Variants in OPHN1 observed in about 807,000 individuals in gnomAD.
The protein encoded by OPHN1 is oligophrenin 1.
A neutral mutation model predicts 60.7 loss-of-function variants in OPHN1; 11 were observed. The observed-to-expected ratio is 0.18, with a 90% CI of 0.11 to 0.30. The LOEUF (loss-of-function observed/expected upper bound fraction) is 0.30. Ranked by LOEUF, OPHN1 falls within the 10% of genes least tolerant of loss-of-function variation. The probability of loss-of-function intolerance (pLI) is 1.00; values close to 1 mark genes in which losing one functional copy is unlikely to be tolerated. For missense variants in OPHN1, 449 were observed against 611.0 expected (o/e 0.73, Z 2.80); for synonymous variants, 226 against 222.6 (o/e 1.02, Z -0.14).
chrX:68,097,102 G>A, intron 18 of OPHN1, 73 bp from the exon 19 acceptor site: 4 of 1,010,349 alleles, frequency 4.0e-6, no homozygotes, highest in Non-Finnish European at 5.3e-6. Flanking sequence ...TGTTTTAGGT[G>A]CTGTAGAGGG....
intron 2 of OPHN1, among the ~76,000 whole-genome samples, chrX:68,373,249 C>A (rs2078538702): frequency 8.9e-6 from 1 of 112,328 alleles, no homozygotes; most frequent in Non-Finnish European, 1.9e-5. Context: ...GAGAACAGGG[C>A]AAGAGGCTCC....
chrX:68,107,666 G>C (rs1490660697), intron 18 of OPHN1, among the ~76,000 whole-genome samples: 1 of 110,562 alleles, frequency 9.0e-6, no homozygotes, highest in Admixed American at 9.7e-5. Flanking sequence ...TGTGGAGACG[G>C]AGTTTCACCA....
chrX:68,385,201 G>A (rs1360388752), intron 2 of OPHN1, among the ~76,000 whole-genome samples: 2 of 111,405 alleles, frequency 1.8e-5, no homozygotes, highest in Non-Finnish European at 3.8e-5. Flanking sequence ...TCTGGACCTC[G>A]GTCTTCCCCT....
intron 2 of OPHN1, chrX:68,361,061 A>G (rs2078470024): frequency 8.9e-6 from 1 of 111,984 alleles, no homozygotes; most frequent in Admixed American, 9.6e-5. Context: ...CACCAAAAAA[A>G]GTTTTAAAAG....
rs1022904149 is a variant in OPHN1 at position 68,165,194 on chromosome X, T to A, written c.1276+27725A>T. 2.1e-4 allele frequency among the ~76,000 whole-genome samples: 23 copies of A among 112,172 alleles called. No individual in the cohort carries two copies. In the Admixed American group the frequency reaches 2.1e-3, roughly 10 times the overall value. ...TCTTCACTGGAGTAGCACTTTTAAC[T>A]TTTTAGCAAAAAACAGTTCCTACAA... On this transcript the variant is annotated intron_variant, in intron 15 of 24. Transcript: ENST00000355520.
chrX:68,131,098 T>G (rs1199486569), intron 15 of OPHN1, among the ~76,000 whole-genome samples: 1 of 111,032 alleles, frequency 9.0e-6, no homozygotes, highest in South Asian at 3.8e-4. Context: ...AGAGGAAAAT[T>G]TAGGAATGGT....
At chrX:68,074,240 G>T (rs769180101) in intron 19 of OPHN1, among the ~76,000 whole-genome samples, 86 of 112,065 alleles carry the variant, frequency 7.7e-4, no homozygotes, top group Non-Finnish European at 1.4e-3. Flanking sequence ...CATGGGCATG[G>T]AAATAACATG....
At chrX:68,165,832 T>C (rs959774642) in intron 15 of OPHN1, among the ~76,000 whole-genome samples, 1 of 112,306 alleles carries the variant, frequency 8.9e-6, no homozygotes, top group Non-Finnish European at 1.9e-5. Context: ...ATAGAGTTAG[T>C]TATGAAGATG....
At chrX:68,261,028 T>A (rs1352842768) in intron 5 of OPHN1, among the ~76,000 whole-genome samples, 1 of 111,829 alleles carries the variant, frequency 8.9e-6, no homozygotes, top group Non-Finnish European at 1.9e-5. Context: ...GAAACATCAT[T>A]AAGACTGACA....
intron 2 of OPHN1, among the ~76,000 whole-genome samples, chrX:68,341,967 T>TG (rs1275288206): frequency 1.2e-4 from 12 of 101,061 alleles, no homozygotes; most frequent in Admixed American, 1.0e-3. Flanking sequence ...TAATTTTTGG[T>TG]GTTTTTTTTT....
chrX:68,227,306 C>T (rs965893066), intron 6 of OPHN1, among the ~76,000 whole-genome samples: 18 of 110,503 alleles, frequency 1.6e-4, no homozygotes, highest in East Asian at 2.8e-4. Flanking sequence ...AAAATAATAA[C>T]GGGAGACTTT....
intron 19 of OPHN1, among the ~76,000 whole-genome samples, chrX:68,094,753 C>T (rs969996415): frequency 9.0e-6 from 1 of 111,321 alleles, no homozygotes. Flanking sequence ...TGTCCCTCTC[C>T]ATTATCTCTT....
At chrX:68,089,883 G>A (rs1240355569) in intron 19 of OPHN1, among the ~76,000 whole-genome samples, 11 of 111,622 alleles carry the variant, frequency 9.9e-5, no homozygotes, top group African/African-American at 1.6e-4. Context: ...TTGAAGCTAC[G>A]TTTTCAAAGA....
In OPHN1 at chrX:68,133,373, T is replaced by C. The variant is rs1219510706; in HGVS notation, c.1277-14041A>G. On this transcript the variant is annotated intron_variant, in intron 15 of 24. Coordinates refer to ENST00000355520, the MANE Select transcript of OPHN1 (RefSeq NM_002547.3). ...ACTAGCAGAACAATATGAATGAATC[T>C]TTTGTGAAATTCACACATGATCAGA... is the stretch of plus-strand genomic sequence containing the variant. 3.9e-6 allele frequency: 3 copies of C among 777,768 alleles called. No individual in the cohort carries two copies. In the East Asian group the frequency reaches 1.0e-4, roughly 26 times the overall value. The allele number at this position is 777,768 out of a possible 1,213,427, so 64.1% of individuals were successfully genotyped here. A position where few individuals can be genotyped will look rare whatever the true frequency, so the allele number is the denominator to read the frequency against.
rs148783338 is a variant in OPHN1, at chrX:68,409,811, C to T, written c.154+23056G>A. On this transcript the variant is annotated intron_variant, in intron 2 of 24. Transcript: ENST00000355520. ...ATCACTTCTAGGACAAATCAAATAACGTCATATTTTCATGAGTAGACTTAG... is the reference window on the plus strand; with the variant it reads ...ATCACTTCTAGGACAAATCAAATAATGTCATATTTTCATGAGTAGACTTAG... 2.8e-3 allele frequency among the ~76,000 whole-genome samples: 311 copies of T among 111,735 alleles called. 2 individuals carry two copies. The highest frequency in any genetic ancestry group is 0.014 in the Middle Eastern group (3 of 217).
intron 18 of OPHN1, among the ~76,000 whole-genome samples, chrX:68,110,719 T>C (rs2077100495): frequency 8.9e-6 from 1 of 112,510 alleles, no homozygotes; most frequent in Non-Finnish European, 1.9e-5. Context: ...CCTCTTAATG[T>C]TCTCTATTAG....
chrX:68,160,541 A>G (rs1351891272), intron 15 of OPHN1, among the ~76,000 whole-genome samples: 1 of 111,800 alleles, frequency 8.9e-6, no homozygotes, highest in Non-Finnish European at 1.9e-5. Flanking sequence ...TCATAAAACA[A>G]GCATTAATAA....
At chrX:68,126,173 T>A (rs1602174058) in intron 15 of OPHN1, among the ~76,000 whole-genome samples, 1 of 108,472 alleles carries the variant, frequency 9.2e-6, no homozygotes, top group Middle Eastern at 4.7e-3. Flanking sequence ...AAAAAGCATT[T>A]GACAAAATTC....
At chrX:68,176,964 T>A (rs750569009) in intron 15 of OPHN1, among the ~76,000 whole-genome samples, 1 of 76,481 alleles carries the variant, frequency 1.3e-5, no homozygotes, top group Non-Finnish European at 2.5e-5. Flanking sequence ...CATATTGTTT[T>A]TATATATACA....
Sources: allele counts gnomAD v4.1 joint callset (sites outside exome capture counted in the v4.1 genomes callset), GRCh38; gene constraint gnomAD v4.1.1; transcripts MANE v1.5; gene names NCBI Gene and HGNC (gene_info 2026-07-23, HGNC 2026-07-21).